The following ZC3H12B variants were observed in gnomAD, a reference collection of about 807,000 sequenced individuals.
ZC3H12B encodes zinc finger CCCH-type containing 12B.
In ZC3H12B, 7 loss-of-function variants were observed where a neutral mutation model predicts 43.9. The observed-to-expected ratio is 0.16, with a 90% CI of 0.09 to 0.30. ZC3H12B has a LOEUF of 0.30. Among genes scored for constraint, ZC3H12B ranks in the 10% least tolerant of loss-of-function variants. The probability of loss-of-function intolerance (pLI) is 1.00; values close to 1 mark genes in which losing one functional copy is unlikely to be tolerated. For missense variants in ZC3H12B, 475 were observed against 670.2 expected, an observed-to-expected ratio of 0.71 and a Z score of 3.22; for synonymous variants, 222 against 241.7, an observed-to-expected ratio of 0.92 and a Z score of 0.76.
the ZC3H12B span, among the ~76,000 whole-genome samples, chrX:65,204,600 G>A: frequency 9.0e-6 from 1 of 111,152 alleles, no homozygotes; most frequent in East Asian, 2.8e-4. Flanking sequence ...TCTTTTCCCT[G>A]GCTTGTAAAC....
the ZC3H12B span, among the ~76,000 whole-genome samples, chrX:65,075,567 A>G: frequency 8.9e-6 from 1 of 112,338 alleles, no homozygotes; most frequent in African/African-American, 3.2e-5. Context: ...CCAAAAAGAC[A>G]GAATGTGGGA....
the ZC3H12B span, among the ~76,000 whole-genome samples, chrX:65,352,320 G>A: frequency 9.0e-6 from 1 of 111,390 alleles, no homozygotes; most frequent in African/African-American, 3.3e-5. Flanking sequence ...CTGTCCCGGG[G>A]GTGGGAGGCT....
At chrX:65,225,120 A>G in the ZC3H12B span, among the ~76,000 whole-genome samples, 1 of 111,051 alleles carries the variant, frequency 9.0e-6, no homozygotes, top group Non-Finnish European at 1.9e-5. Context: ...ACTGGGAGGC[A>G]CCCCCCAGTA....
chrX:65,164,983 G>C, the ZC3H12B span, among the ~76,000 whole-genome samples: 1 of 111,809 alleles, frequency 8.9e-6, no homozygotes, highest in Non-Finnish European at 1.9e-5. Context: ...AGTTTAGTTG[G>C]GGAGGGAGAT....
chrX:65,393,037 G>T (rs1036702412), intron 2 of ZC3H12B, among the ~76,000 whole-genome samples: 4 of 111,313 alleles, frequency 3.6e-5, no homozygotes, highest in African/African-American at 1.3e-4. Flanking sequence ...TTAAACAGAT[G>T]CTTGAAGGCA....
chrX:65,122,214 G>T, the ZC3H12B span, among the ~76,000 whole-genome samples: 10 of 111,025 alleles, frequency 9.0e-5, no homozygotes, highest in Non-Finnish European at 1.9e-4. Context: ...AGCTAGAAGA[G>T]AGTGGGGGCC....
At chrX:65,487,839 A>G (rs1183505874), upstream of ZC3H12B, among the ~76,000 whole-genome samples, 1 of 111,880 alleles carries the variant, frequency 8.9e-6, no homozygotes, top group East Asian at 2.8e-4. Flanking sequence ...TTTTGTAAAG[A>G]GTAAGAGTAA....
the ZC3H12B span, among the ~76,000 whole-genome samples, chrX:65,162,467 T>A: frequency 9.0e-6 from 1 of 111,720 alleles, no homozygotes; most frequent in African/African-American, 3.2e-5. Flanking sequence ...TGTTCATTGC[T>A]TTTTATTCTT....
the ZC3H12B span, among the ~76,000 whole-genome samples, chrX:65,166,051 T>G: frequency 8.9e-6 from 1 of 111,960 alleles, no homozygotes; most frequent in South Asian, 3.7e-4. Context: ...TTTCTTTCTT[T>G]CTTTTTTATT....
At chrX:65,171,315 C>A in the ZC3H12B span, among the ~76,000 whole-genome samples, 1 of 110,948 alleles carries the variant, frequency 9.0e-6, no homozygotes, top group African/African-American at 3.3e-5. Context: ...CACTCCAGAC[C>A]CTGTTTTCCT....
chrX:65,426,392 C>CAAA (rs58910748), intron 3 of ZC3H12B, among the ~76,000 whole-genome samples: 11 of 42,179 alleles, frequency 2.6e-4, no homozygotes, highest in African/African-American at 3.4e-4. Flanking sequence ...TAATTATTTC[C>CAAA]AAAAAAAAAA....
the ZC3H12B span, among the ~76,000 whole-genome samples, chrX:65,041,123 T>C: frequency 8.9e-6 from 1 of 112,490 alleles, no homozygotes; most frequent in Non-Finnish European, 1.9e-5. Context: ...TACTATCTTG[T>C]TTTTAAATTT....
the ZC3H12B span, among the ~76,000 whole-genome samples, chrX:65,122,792 C>T: frequency 9.0e-6 from 1 of 111,255 alleles, no homozygotes; most frequent in African/African-American, 3.3e-5. Context: ...CAAAGAAGGC[C>T]ATTACATAAT....
intron 3 of ZC3H12B, among the ~76,000 whole-genome samples, chrX:65,457,473 C>T (rs1260456311): frequency 2.3e-5 from 2 of 86,083 alleles, no homozygotes; most frequent in Non-Finnish European, 4.2e-5. Context: ...GGCCAGCCGC[C>T]CCATCCGGGA....
In ZC3H12B at chrX:65,475,201, C is replaced by T. The variant is rs1041417976; in HGVS notation, n.408-13445C>T. ...TTATCTTTTAAGTTTTATATAAAGGCTAAAAGTAAATTATGCACCACCATT... is the reference window on the plus strand; with the variant it reads ...TTATCTTTTAAGTTTTATATAAAGGTTAAAAGTAAATTATGCACCACCATT... On this transcript the variant is annotated intron_variant and non_coding_transcript_variant, in intron 3 of 5. Transcript: ENST00000617377. Among the ~76,000 whole-genome samples, 5 of 111,809 alleles carry T rather than the reference C, an allele frequency of 4.5e-5. No homozygotes were observed. In the East Asian group the frequency reaches 1.4e-3, roughly 31 times the overall value.
chrX:65,212,665 A>C, the ZC3H12B span, among the ~76,000 whole-genome samples: 1 of 88,586 alleles, frequency 1.1e-5, no homozygotes, highest in Non-Finnish European at 2.1e-5. Flanking sequence ...ATTATATATA[A>C]ATATATATGA....
the ZC3H12B span, among the ~76,000 whole-genome samples, chrX:65,298,646 A>G: frequency 9.0e-6 from 1 of 111,655 alleles, no homozygotes. Context: ...AAAAATCTGC[A>G]CTCCTATGCT....
exon 5 of ZC3H12B, chrX:65,504,659 G>A (rs775657582): frequency 1.8e-5 from 2 of 112,620 alleles, no homozygotes; most frequent in East Asian, 5.6e-4. Flanking sequence ...GCATTAAATG[G>A]TGAATAAAAA....
chrX:65,113,669 G>T, the ZC3H12B span, among the ~76,000 whole-genome samples: 1 of 109,905 alleles, frequency 9.1e-6, no homozygotes, highest in Admixed American at 9.8e-5. Context: ...TTAAGAAAAC[G>T]CCACAGCACT....
Sources: gnomAD v4.1 joint callset for allele counts (sites outside exome capture counted in the v4.1 genomes callset) on GRCh38, gnomAD v4.1.1 for gene constraint, MANE v1.5 for transcripts, NCBI Gene and HGNC (gene_info 2026-07-23, HGNC 2026-07-21) for gene names.